FHIT: variants seen among roughly 807,000 people sequenced by gnomAD.
The protein encoded by FHIT is fragile histidine triad diadenosine triphosphatase.
FHIT carries 19 observed loss-of-function variants against 17.9 expected under a neutral mutation model. The observed-to-expected ratio is 1.06, with a 90% CI of 0.74 to 1.56. FHIT has a LOEUF of 1.56. Ranked by LOEUF, FHIT falls within the 40% of genes most tolerant of loss-of-function variation. The pLI is 0.00. For missense variants in FHIT, 248 were observed against 189.2 expected, an observed-to-expected ratio of 1.31 and a Z score of -1.82; for synonymous variants, 81 against 69.7, an observed-to-expected ratio of 1.16 and a Z score of -0.81.
At position 61,209,164 on chromosome 3, in the gene FHIT, T is replaced by C. The variant is rs539750301; in HGVS notation, c.-212-8499A>G. ...TTGGCCCCCACTCTCTTCTGGCTTG[T>C]AGAGTTTCTGCCGAGAGATCCGCTG... is the stretch of plus-strand genomic sequence containing the variant. On this transcript the variant is annotated intron_variant, in intron 1 of 9. Transcript: ENST00000492590. Among the ~76,000 whole-genome samples the C allele has an allele frequency of 5.0e-3, 763 of 152,310 alleles. 10 individuals carry two copies. Among genetic ancestry groups the C allele is most frequent in the African/African-American group, 0.018 (732 of 41,578 alleles).
chr3:60,643,273 A>G (rs1303957428), intron 4 of FHIT, among the ~76,000 whole-genome samples: 2 of 152,210 alleles, frequency 1.3e-5, no homozygotes, highest in Admixed American at 1.3e-4. Flanking sequence ...TACTGGAAAC[A>G]CATCCTATGC....
intron 5 of FHIT, among the ~76,000 whole-genome samples, chr3:60,144,452 C>A (rs1460975276): frequency 6.6e-6 from 1 of 152,158 alleles, no homozygotes; most frequent in African/African-American, 2.4e-5. Context: ...CTTGGAGAGA[C>A]TGAGGGACCT....
At chr3:60,446,116 A>G (rs2031314175) in intron 5 of FHIT, among the ~76,000 whole-genome samples, 1 of 152,148 alleles carries the variant, frequency 6.6e-6, no homozygotes, top group African/African-American at 2.4e-5. Context: ...GGTAGGAGGG[A>G]CAATGGAGTT....
intron 4 of FHIT, among the ~76,000 whole-genome samples, chr3:60,802,443 G>A (rs1420493255): frequency 2.0e-5 from 3 of 151,996 alleles, no homozygotes; most frequent in South Asian, 2.1e-4. Flanking sequence ...GCTCTTATTC[G>A]TAAAAGCAAC....
intron 7 of FHIT, among the ~76,000 whole-genome samples, chr3:59,987,533 T>C (rs1002557105): frequency 2.0e-5 from 3 of 152,102 alleles, no homozygotes; most frequent in East Asian, 1.9e-4. Context: ...ATATCTAACA[T>C]GAAGGCAAAC....
rs184282083 is a variant in FHIT at position 60,761,300 on chromosome 3, G to T, written c.-18+60619C>A. On this transcript the variant is annotated intron_variant, in intron 4 of 9. Coordinates refer to ENST00000492590, the MANE Select transcript of FHIT (RefSeq NM_002012.4). ...ACAAGATAACATAGAGACAGAATGGGGTGTTACAGATGTATGAGTGAACGT... is the reference window on the plus strand; with the variant it reads ...ACAAGATAACATAGAGACAGAATGGTGTGTTACAGATGTATGAGTGAACGT... Among the ~76,000 whole-genome samples, 5 of 152,266 alleles carry T rather than the reference G, an allele frequency of 3.3e-5. No homozygotes were observed. In the East Asian group the frequency reaches 9.6e-4, roughly 29 times the overall value.
chr3:60,034,903 T>C (rs182487368), intron 5 of FHIT, among the ~76,000 whole-genome samples: 68 of 152,348 alleles, frequency 4.5e-4, no homozygotes, highest in African/African-American at 1.5e-3. Context: ...TTGATGCAAA[T>C]TAAACTAAAT....
chr3:60,479,962 G>T (rs987415223), intron 5 of FHIT, among the ~76,000 whole-genome samples: 3 of 152,128 alleles, frequency 2.0e-5, no homozygotes, highest in South Asian at 2.1e-4. Flanking sequence ...ATGATAATAC[G>T]TGGCTATACT....
chr3:60,775,316 G>T (rs1559712732), intron 4 of FHIT, among the ~76,000 whole-genome samples: 1 of 152,272 alleles, frequency 6.6e-6, no homozygotes, highest in East Asian at 1.9e-4. Flanking sequence ...GCCAGGTGAG[G>T]AGGGGTCCCC....
rs148650639 is a variant in FHIT, at chr3:59,861,025, C to T, written c.348+61321G>A. On this transcript the variant is annotated intron_variant, in intron 8 of 9. Coordinates refer to ENST00000492590, the MANE Select transcript of FHIT (RefSeq NM_002012.4). The stretch of plus-strand genomic sequence containing the variant: ...GGAAGAAAGAGGGGAGTCTGATGGA[C>T]AAAGCTCTGTGGAGGACGTGGCACT... Among the ~76,000 whole-genome samples the T allele has an allele frequency of 7.1e-3, 1,076 of 152,094 alleles. 6 individuals are homozygous for T. Among genetic ancestry groups the T allele is most frequent in the Non-Finnish European group, 9.8e-3 (668 of 67,988 alleles).
intron 5 of FHIT, among the ~76,000 whole-genome samples, chr3:60,314,791 G>C (rs2106776749): frequency 6.6e-6 from 1 of 152,220 alleles, no homozygotes; most frequent in South Asian, 2.1e-4. Context: ...TTCACTAAGA[G>C]AATTCAGCAG....
chr3:60,112,928 T>A (rs927795920), intron 5 of FHIT, among the ~76,000 whole-genome samples: 3 of 152,198 alleles, frequency 2.0e-5, no homozygotes, highest in Non-Finnish European at 4.4e-5. Context: ...TGACTCACAG[T>A]CGAATACCAC....
chr3:59,766,115 T>C (rs1204220061), intron 8 of FHIT, among the ~76,000 whole-genome samples: 2 of 152,178 alleles, frequency 1.3e-5, no homozygotes, highest in African/African-American at 4.8e-5. Context: ...TGTGTGGGAC[T>C]ATCATACTGT....
intron 4 of FHIT, among the ~76,000 whole-genome samples, chr3:60,569,749 A>ATTTTTTTTTTTTTT (rs1553654729): frequency 1.6e-5 from 1 of 62,788 alleles, no homozygotes; most frequent in African/African-American, 6.2e-5. Context: ...ATATATATAT[A>ATTTTTTTTTTTTTT]TATATATTTT....
In FHIT at chr3:59,971,216, G is replaced by T. The variant is rs542683491; in HGVS notation, c.279+40155C>A. ...TTGACACTCTGAGTCCTATTTGAAA[G>T]TAGTCGGCTTTACAAGATTAAAAAC... is the stretch of plus-strand genomic sequence containing the variant. On this transcript the variant is annotated intron_variant, in intron 7 of 9. Transcript: ENST00000492590. 8.5e-5 allele frequency among the ~76,000 whole-genome samples: 13 copies of T among 152,252 alleles called. No homozygotes were observed. The South Asian group carries it at 1.0e-3, about 12-fold the overall frequency.
intron 5 of FHIT, among the ~76,000 whole-genome samples, chr3:60,324,477 C>T (rs552793975): frequency 2.7e-5 from 4 of 149,858 alleles, no homozygotes; most frequent in African/African-American, 7.4e-5. Context: ...CCCAGCTGCT[C>T]GGGATGCTGA....
At position 61,115,480 on chromosome 3, in the gene FHIT, A is replaced by G. The variant is rs542433834; in HGVS notation, c.-163-73381T>C. 5.3e-5 allele frequency among the ~76,000 whole-genome samples: 8 copies of G among 152,212 alleles called. No homozygotes were observed. The South Asian group carries it at 1.2e-3, about 24-fold the overall frequency. ...GAGGAAGGGGAGGAAATGATGGGAG[A>G]TAGGCAAGGAGGGGTGACAGCAGGA... On this transcript the variant is annotated intron_variant, in intron 2 of 9. Coordinates refer to ENST00000492590, the MANE Select transcript of FHIT (RefSeq NM_002012.4).
At chr3:60,303,116 G>C (rs952374221) in intron 5 of FHIT, among the ~76,000 whole-genome samples, 2 of 152,044 alleles carry the variant, frequency 1.3e-5, no homozygotes, top group Admixed American at 6.6e-5. Flanking sequence ...TGCCAAACCT[G>C]GAAACCACTT....
At chr3:59,950,566 C>CTT (rs1393229289) in intron 7 of FHIT, among the ~76,000 whole-genome samples, 1 of 150,866 alleles carries the variant, frequency 6.6e-6, no homozygotes, top group Non-Finnish European at 1.5e-5. Context: ...TACTTGTTTT[C>CTT]TTTTCTTTTC....
Sources: allele counts gnomAD v4.1 joint callset (sites outside exome capture counted in the v4.1 genomes callset), GRCh38; gene constraint gnomAD v4.1.1; transcripts MANE v1.5; gene names NCBI Gene and HGNC (gene_info 2026-07-23, HGNC 2026-07-21).